Variants in CHCHD3 observed in about 807,000 individuals in gnomAD.
CHCHD3 encodes coiled-coil-helix-coiled-coil-helix domain containing 3, also known as MICOS complex subunit MIC19.
In CHCHD3, 20 loss-of-function variants were observed where a neutral mutation model predicts 38.2. The ratio of observed to expected loss-of-function variants is 0.52; its 90% CI spans 0.37 to 0.76. The LOEUF (loss-of-function observed/expected upper bound fraction) is 0.76. Among genes scored for constraint, CHCHD3 ranks in the 30% least tolerant of loss-of-function variants. The pLI, the probability that CHCHD3 is intolerant of heterozygous loss-of-function variation, is 0.00. For missense variants in CHCHD3, 245 were observed against 279.2 expected (o/e 0.88, Z 0.87); for synonymous variants, 82 against 100.0 (o/e 0.82, Z 1.07).
chr7:132,820,620 T>TTG (rs921965938), intron 6 of CHCHD3, among the ~76,000 whole-genome samples: 1 of 150,074 alleles, frequency 6.7e-6, no homozygotes, highest in African/African-American at 2.4e-5. Flanking sequence ...TGTTTTTTTT[T>TTG]TTTTTTTTTT....
At chr7:132,975,016 A>G (rs1288538695) in intron 4 of CHCHD3, 153 bp downstream of exon 4, 2 of 607,090 alleles carry the variant, frequency 3.3e-6, no homozygotes, top group Non-Finnish European at 5.8e-6. Flanking sequence ...CTAAACTGTA[A>G]GCTACTTATA....
intron 4 of CHCHD3, among the ~76,000 whole-genome samples, chr7:132,887,621 C>T (rs1016250285): frequency 4.4e-5 from 6 of 136,456 alleles, no homozygotes; most frequent in South Asian, 2.5e-4. Context: ...CTCTCCCCAC[C>T]GAAAAACAAC....
chr7:133,005,041 A>C (rs184850179), intron 3 of CHCHD3, among the ~76,000 whole-genome samples: 35 of 152,270 alleles, frequency 2.3e-4, no homozygotes, highest in African/African-American at 8.4e-4. Flanking sequence ...TGATCTTTAC[A>C]AAAAAGTAGA....
rs149956433 is a variant in CHCHD3 at position 132,978,516 on chromosome 7, G to A, written c.252-3230C>T. On this transcript the variant is annotated intron_variant, in intron 3 of 7. Transcript: ENST00000262570. The stretch of plus-strand genomic sequence containing the variant: ...ATCAAACACGCAAGAAAAAGTTGTT[G>A]ATGTATGCATGTGTGAATGAATGAA... 7.0e-3 allele frequency among the ~76,000 whole-genome samples: 1,069 copies of A among 152,124 alleles called. 10 individuals carry two copies. The highest frequency in any genetic ancestry group is 0.024 in the African/African-American group (994 of 41,500).
intron 4 of CHCHD3, among the ~76,000 whole-genome samples, chr7:132,893,871 G>T (rs896916973): frequency 2.0e-5 from 3 of 152,192 alleles, no homozygotes; most frequent in Admixed American, 6.5e-5. Flanking sequence ...CCTCAGCCAT[G>T]TGAAATTGTG....
intron 4 of CHCHD3, among the ~76,000 whole-genome samples, chr7:132,892,422 T>G (rs1378513519): frequency 2.6e-5 from 4 of 152,174 alleles, no homozygotes; most frequent in Non-Finnish European, 5.9e-5. Context: ...GAACTTATGT[T>G]TAAAAGGGAA....
At chr7:132,881,806 T>C (rs1162279975) in intron 5 of CHCHD3, among the ~76,000 whole-genome samples, 3 of 152,146 alleles carry the variant, frequency 2.0e-5, no homozygotes, top group Non-Finnish European at 2.9e-5. Flanking sequence ...CTAATAGAAA[T>C]AGTTAGACAT....
intron 4 of CHCHD3, among the ~76,000 whole-genome samples, chr7:132,914,102 G>A (rs1407836612): frequency 6.7e-6 from 1 of 150,028 alleles, no homozygotes; most frequent in Non-Finnish European, 1.5e-5. Flanking sequence ...TGGGATTACA[G>A]ATGCCCACCA....
chr7:132,851,530 A>G (rs1462072324), intron 5 of CHCHD3, among the ~76,000 whole-genome samples: 1 of 152,198 alleles, frequency 6.6e-6, no homozygotes, highest in Non-Finnish European at 1.5e-5. Context: ...TTGGACTTCT[A>G]TATTACACAC....
At chr7:133,064,314 T>C (rs1241533796) in intron 2 of CHCHD3, among the ~76,000 whole-genome samples, 1 of 152,192 alleles carries the variant, frequency 6.6e-6, no homozygotes, top group Non-Finnish European at 1.5e-5. Context: ...TTTAATTCAA[T>C]AGCAATTAGG....
At chr7:133,063,002 A>G (rs751390760) in intron 2 of CHCHD3, among the ~76,000 whole-genome samples, 1 of 152,200 alleles carries the variant, frequency 6.6e-6, no homozygotes, top group Non-Finnish European at 1.5e-5. Context: ...TTCAGAACCT[A>G]CCAAGCTTTA....
chr7:133,036,861 G>C (rs1027005226), intron 2 of CHCHD3, among the ~76,000 whole-genome samples: 4 of 152,150 alleles, frequency 2.6e-5, no homozygotes, highest in Admixed American at 6.6e-5. Context: ...GTTTGCAAGA[G>C]ACTGTTTAAA....
chr7:132,981,988 A>G (rs1171738753), intron 3 of CHCHD3, among the ~76,000 whole-genome samples: 2 of 152,234 alleles, frequency 1.3e-5, no homozygotes, highest in Non-Finnish European at 2.9e-5. Context: ...TTTAATGCTA[A>G]CAATGAATTT....
At chr7:132,919,202 G>A (rs1157717045) in intron 4 of CHCHD3, among the ~76,000 whole-genome samples, 1 of 129,594 alleles carries the variant, frequency 7.7e-6, no homozygotes, top group African/African-American at 2.9e-5. Flanking sequence ...TCCGCCTCCC[G>A]GGTTCACACC....
chr7:132,988,761 T>A (rs1009909), intron 3 of CHCHD3, among the ~76,000 whole-genome samples: 67,376 of 151,062 alleles, frequency 0.45, 15,249 homozygotes, highest in East Asian at 0.55. Flanking sequence ...CAAAAAAAAA[T>A]TTTTTTATCA....
At chr7:133,064,675 A>T (rs1396568204) in intron 2 of CHCHD3, among the ~76,000 whole-genome samples, 1 of 152,230 alleles carries the variant, frequency 6.6e-6, no homozygotes, top group Non-Finnish European at 1.5e-5. Context: ...AGGCTGCCAA[A>T]TACTTAGTGA....
intron 3 of CHCHD3, among the ~76,000 whole-genome samples, chr7:132,978,653 T>C (rs1160481476): frequency 1.3e-5 from 2 of 152,014 alleles, no homozygotes; most frequent in Non-Finnish European, 2.9e-5. Flanking sequence ...ACAAACTGTA[T>C]CCTCCAAGGG....
chr7:133,050,455 T>C (rs1232113197), intron 2 of CHCHD3, among the ~76,000 whole-genome samples: 1 of 144,368 alleles, frequency 6.9e-6, no homozygotes, highest in Non-Finnish European at 1.5e-5. Flanking sequence ...GCTACATTAC[T>C]ACCACTCTTA....
At chr7:132,802,384 C>T (rs146487423) in intron 6 of CHCHD3, among the ~76,000 whole-genome samples, 1 of 152,228 alleles carries the variant, frequency 6.6e-6, no homozygotes, top group East Asian at 1.9e-4. Flanking sequence ...AGAAAACCCT[C>T]TTGGGATCTT....
Sources: allele counts gnomAD v4.1 joint callset (sites outside exome capture counted in the v4.1 genomes callset), GRCh38; gene constraint gnomAD v4.1.1; transcripts MANE v1.5; gene names NCBI Gene and HGNC (gene_info 2026-07-23, HGNC 2026-07-21).